Variants in GPHN observed in about 807,000 individuals in gnomAD.
GPHN encodes gephyrin.
In GPHN, 17 loss-of-function variants were observed where a neutral mutation model predicts 95.5. That is an observed-to-expected ratio of 0.18 (90% CI 0.12 to 0.27). The LOEUF is 0.27. Among genes scored for constraint, GPHN ranks in the 10% least tolerant of loss-of-function variants. The pLI, the probability that GPHN is intolerant of heterozygous loss-of-function variation, is 1.00. For missense variants in GPHN, 660 were observed against 978.1 expected, an observed-to-expected ratio of 0.67 and a Z score of 4.34; for synonymous variants, 320 against 322.5, an observed-to-expected ratio of 0.99 and a Z score of 0.08.
intron 2 of GPHN, among the ~76,000 whole-genome samples, chr14:66,693,585 A>G (rs558768937): frequency 2.6e-4 from 40 of 152,328 alleles, no homozygotes; most frequent in African/African-American, 9.6e-4. Flanking sequence ...TCCCAGCTCC[A>G]GAAGAGAGAG....
In GPHN at chr14:67,088,531, G is replaced by T. The variant is rs142055806; in HGVS notation, c.1145-452G>T. The stretch of plus-strand genomic sequence containing the variant: ...TAAGTACCTATATTGTTGATAGTTT[G>T]GTTTCTTTCCATTTTTTCTATTGTA... On this transcript the variant is annotated intron_variant, in intron 11 of 22. Coordinates refer to ENST00000478722, the MANE Select transcript of GPHN (RefSeq NM_020806.5). Among the ~76,000 whole-genome samples the T allele has an allele frequency of 2.8e-3, 433 of 151,972 alleles. 2 individuals carry two copies. The highest frequency in any genetic ancestry group is 4.4e-3 in the Non-Finnish European group (299 of 67,936).
chr14:67,371,588 AT>A, the GPHN span, among the ~76,000 whole-genome samples: 1 of 152,198 alleles, frequency 6.6e-6, no homozygotes, highest in Non-Finnish European at 1.5e-5. Context: ...AGTATACTCT[AT>A]TATTCCTAGG....
At chr14:67,456,226 T>C in the GPHN span, among the ~76,000 whole-genome samples, 1 of 152,094 alleles carries the variant, frequency 6.6e-6, no homozygotes, top group African/African-American at 2.4e-5. Context: ...ATGCTCAACA[T>C]CACTAATCAT....
chr14:67,094,466 A>G (rs1180735494), intron 12 of GPHN, among the ~76,000 whole-genome samples: 1 of 152,186 alleles, frequency 6.6e-6, no homozygotes, highest in Non-Finnish European at 1.5e-5. Flanking sequence ...TCATTAGCAG[A>G]TATGTCAGAA....
At chr14:67,390,087 G>T in the GPHN span, among the ~76,000 whole-genome samples, 1 of 152,150 alleles carries the variant, frequency 6.6e-6, no homozygotes, top group African/African-American at 2.4e-5. Context: ...TAACTAAAGG[G>T]CCCTTTTTCT....
chr14:66,636,391 G>T (rs2064097110), intron 1 of GPHN, among the ~76,000 whole-genome samples: 1 of 151,678 alleles, frequency 6.6e-6, no homozygotes, highest in South Asian at 2.1e-4. Context: ...TATCACATAG[G>T]TATACCATAT....
At chr14:66,948,860 A>AAC (rs1172941486) in intron 8 of GPHN, among the ~76,000 whole-genome samples, 1 of 152,144 alleles carries the variant, frequency 6.6e-6, no homozygotes, top group African/African-American at 2.4e-5. Flanking sequence ...GCAGGAGTGC[A>AAC]ACAGCACAGT....
chr14:67,154,829 T>A (rs1047469257), intron 18 of GPHN, among the ~76,000 whole-genome samples: 8 of 152,010 alleles, frequency 5.3e-5, no homozygotes, highest in Admixed American at 3.9e-4. Context: ...ACCAAGAACA[T>A]CTATAAAAAC....
At chr14:67,507,933 G>A in the GPHN span, among the ~76,000 whole-genome samples, 252 of 152,294 alleles carry the variant, frequency 1.7e-3, 3 homozygotes, top group Non-Finnish European at 8.2e-4. Context: ...GAGGTTGGGA[G>A]TTCCAGACCA....
At chr14:66,969,352 T>C (rs1313995135) in intron 9 of GPHN, 11 of 152,218 alleles carry the variant, frequency 7.2e-5, no homozygotes, top group Admixed American at 7.2e-4. Flanking sequence ...AGACAATATC[T>C]AGACTCAAGT....
chr14:67,633,976 C>T, the GPHN span, among the ~76,000 whole-genome samples: 1 of 152,208 alleles, frequency 6.6e-6, no homozygotes, highest in African/African-American at 2.4e-5. Flanking sequence ...TAGCACTGGG[C>T]TGGGCTGCCA....
chr14:67,678,941 G>A, the GPHN span, among the ~76,000 whole-genome samples: 2 of 152,188 alleles, frequency 1.3e-5, no homozygotes, highest in Non-Finnish European at 2.9e-5. Flanking sequence ...AAAGGAAAAG[G>A]CGACACAGAA....
chr14:67,002,050 CT>C (rs1427039028), intron 9 of GPHN, among the ~76,000 whole-genome samples: 1 of 151,566 alleles, frequency 6.6e-6, no homozygotes, highest in Admixed American at 6.6e-5. Context: ...AACCAGTGTT[CT>C]TCAGCTAAGC....
At chr14:66,508,904 G>C (rs758401989) in intron 1 of GPHN, among the ~76,000 whole-genome samples, 1 of 152,154 alleles carries the variant, frequency 6.6e-6, no homozygotes, top group Non-Finnish European at 1.5e-5. Flanking sequence ...CGCGCTGTCG[G>C]TGCAGGCGGC....
chr14:66,744,498 A>G (rs2058063484), intron 2 of GPHN, among the ~76,000 whole-genome samples: 1 of 151,388 alleles, frequency 6.6e-6, no homozygotes, highest in African/African-American at 2.4e-5. Flanking sequence ...ACACAAGGCT[A>G]CCTACTTGTA....
At chr14:67,402,676 A>C in the GPHN span, among the ~76,000 whole-genome samples, 1 of 152,308 alleles carries the variant, frequency 6.6e-6, no homozygotes, top group South Asian at 2.1e-4. Flanking sequence ...AGAACATGTG[A>C]CATTTGTCTC....
chr14:67,368,760 T>G, the GPHN span, among the ~76,000 whole-genome samples: 3 of 152,162 alleles, frequency 2.0e-5, no homozygotes, highest in South Asian at 4.1e-4. Context: ...CAGTGGTCTG[T>G]GCTTGTAGTC....
At chr14:67,328,043 T>C in the GPHN span, among the ~76,000 whole-genome samples, 4 of 152,320 alleles carry the variant, frequency 2.6e-5, no homozygotes, top group Admixed American at 1.3e-4. Flanking sequence ...TTCTAGATCC[T>C]TGAGGAATCA....
intron 12 of GPHN, among the ~76,000 whole-genome samples, chr14:67,095,966 C>CAAAAAAAAAAA: frequency 1.5e-5 from 1 of 67,086 alleles, no homozygotes. Flanking sequence ...AAGAAAAAGG[C>CAAAAAAAAAAA]AAAAAAAAAA....
Sources: allele counts gnomAD v4.1 joint callset (sites outside exome capture counted in the v4.1 genomes callset), GRCh38; gene constraint gnomAD v4.1.1; transcripts MANE v1.5; gene names NCBI Gene and HGNC (gene_info 2026-07-23, HGNC 2026-07-21).